CPLX1: variants seen among roughly 807,000 people sequenced by gnomAD.
The protein encoded by CPLX1 is complexin-1.
CPLX1 carries 6 observed loss-of-function variants against 15.6 expected under a neutral mutation model. The observed-to-expected ratio is 0.39, with a 90% CI of 0.21 to 0.76. CPLX1 has a LOEUF of 0.76. Among genes scored for constraint, CPLX1 ranks in the 30% least tolerant of loss-of-function variants. The pLI is 0.43. For synonymous variants in CPLX1, 91 were observed against 75.2 expected, an observed-to-expected ratio of 1.21 and a Z score of -1.08; for missense variants, 242 against 188.6, an observed-to-expected ratio of 1.28 and a Z score of -1.66.
At chr4:800,064 G>C (rs1202287403) in intron 2 of CPLX1, among the ~76,000 whole-genome samples, 1 of 152,060 alleles carries the variant, frequency 6.6e-6, no homozygotes, top group Non-Finnish European at 1.5e-5. Flanking sequence ...CCTCAACGTG[G>C]GGTTTCTGAG....
chr4:786,887 C>A lies in CPLX1; in HGVS notation c.208-189G>T, dbSNP rs948852810. ...GGGGTCCCTGGAGGAATGGGAAGCC[C>A]CCACGGAGAATGGGGGCCAGGAGCT... On this transcript the variant is annotated intron_variant, in intron 3 of 3. Transcript: ENST00000304062. 1.7e-5 allele frequency: 17 copies of A among 983,694 alleles called. No individual in the cohort carries two copies. The African/African-American group carries it at 2.6e-4, about 15-fold the overall frequency. 60.9% of individuals were successfully genotyped at this position (983,694 alleles called of 1,614,324 possible).
intron 2 of CPLX1, among the ~76,000 whole-genome samples, chr4:807,999 G>A (rs1333012116): frequency 6.6e-6 from 1 of 152,128 alleles, no homozygotes; most frequent in African/African-American, 2.4e-5. Context: ...TGGGTGCGGC[G>A]GTCACACCTG....
intron 2 of CPLX1, among the ~76,000 whole-genome samples, chr4:817,322 G>C (rs1746776053): frequency 6.6e-6 from 1 of 151,758 alleles, no homozygotes; most frequent in Non-Finnish European, 1.5e-5. Context: ...GGGAGGCCGG[G>C]GCAGGTGGAT....
intron 2 of CPLX1, among the ~76,000 whole-genome samples, chr4:818,699 G>A (rs1056174686): frequency 4.6e-5 from 7 of 152,270 alleles, no homozygotes; most frequent in African/African-American, 1.7e-4. Context: ...CGGCGGCTGC[G>A]CCATCTGCCG....
rs560418652 is a variant in CPLX1 at position 816,202 on chromosome 4, T to G, written c.31+8290A>C. Among the ~76,000 whole-genome samples the G allele has an allele frequency of 7.6e-4, 115 of 151,180 alleles. 2 individuals carry two copies. Among genetic ancestry groups the G allele is most frequent in the Non-Finnish European group, 3.1e-4 (21 of 67,926 alleles). On this transcript the variant is annotated intron_variant, in intron 2 of 3. Coordinates refer to ENST00000304062, the MANE Select transcript of CPLX1 (RefSeq NM_006651.4). ...AAATTTACAAGTGGATCTGAAGGCA[T>G]TCTCCGTGAAATTTTTTTTTTTTTT...
intron 2 of CPLX1, among the ~76,000 whole-genome samples, chr4:805,085 T>G (rs892598423): frequency 1.3e-5 from 2 of 152,170 alleles, no homozygotes; most frequent in Non-Finnish European, 2.9e-5. Flanking sequence ...ATCTTGGGCG[T>G]GTGGCCATAC....
chr4:795,640 G>A (rs1346819698), intron 2 of CPLX1, among the ~76,000 whole-genome samples: 1 of 152,182 alleles, frequency 6.6e-6, no homozygotes, highest in Non-Finnish European at 1.5e-5. Flanking sequence ...CGTGAGAGGT[G>A]GAGGCGGTGG....
intron 2 of CPLX1, among the ~76,000 whole-genome samples, chr4:794,067 G>A (rs559645733): frequency 6.6e-6 from 1 of 152,354 alleles, no homozygotes; most frequent in South Asian, 2.1e-4. Context: ...CGACGCCCTC[G>A]CCTGTAGCTA....
intron 2 of CPLX1, among the ~76,000 whole-genome samples, chr4:822,145 CCT>C (rs56847359): frequency 0.19 from 29,279 of 151,168 alleles, 2,837 homozygotes; most frequent in East Asian, 0.29. Context: ...ACTGTCTCTC[CCT>C]CTGTTTCTGA....
intron 2 of CPLX1, chr4:804,691 T>C (rs1235160710): frequency 1.0e-6 from 1 of 967,640 alleles, no homozygotes; most frequent in African/African-American, 1.8e-5. Flanking sequence ...AAAATTAAGG[T>C]TCATATGGCA....
At chr4:816,416 C>T (rs926905004) in intron 2 of CPLX1, among the ~76,000 whole-genome samples, 10 of 151,894 alleles carry the variant, frequency 6.6e-5, no homozygotes, top group Admixed American at 2.0e-4. Flanking sequence ...AACAGGGTTT[C>T]ACCATGTTGG....
intron 1 of CPLX1, among the ~76,000 whole-genome samples, chr4:825,626 GA>G (rs1280471025): frequency 6.6e-6 from 1 of 151,904 alleles, no homozygotes; most frequent in Non-Finnish European, 1.5e-5. Flanking sequence ...CGAGGGAGGA[GA>G]GGGGGAGCCT....
intron 2 of CPLX1, among the ~76,000 whole-genome samples, chr4:813,164 G>T (rs1746693129): frequency 6.6e-6 from 1 of 151,630 alleles, no homozygotes; most frequent in Admixed American, 6.6e-5. Flanking sequence ...ACTTGGGAGG[G>T]TGAGGCAGGA....
At chr4:816,651 C>A (rs1746761643) in intron 2 of CPLX1, among the ~76,000 whole-genome samples, 1 of 151,804 alleles carries the variant, frequency 6.6e-6, no homozygotes, top group East Asian at 1.9e-4. Context: ...CATGGTGGGA[C>A]CCTGTCTTAA....
intron 2 of CPLX1, among the ~76,000 whole-genome samples, chr4:803,756 C>T (rs995563844): frequency 6.6e-6 from 1 of 151,892 alleles, no homozygotes; most frequent in Non-Finnish European, 1.5e-5. Flanking sequence ...CTGCAACCTC[C>T]ACTCCTGGGT....
intron 2 of CPLX1, chr4:804,685 T>G (rs1746520644): frequency 1.0e-6 from 1 of 959,696 alleles, no homozygotes; most frequent in African/African-American, 1.8e-5. Context: ...TTGGATAAAA[T>G]TAAGGTTCAT....
chr4:800,798 T>C (rs1454625210), intron 2 of CPLX1, among the ~76,000 whole-genome samples: 2 of 144,314 alleles, frequency 1.4e-5, no homozygotes, highest in East Asian at 2.1e-4. Context: ...TGTATATACA[T>C]ACACACACGT....
chr4:821,125 A>G (rs1309828964), intron 2 of CPLX1, among the ~76,000 whole-genome samples: 1 of 152,214 alleles, frequency 6.6e-6, no homozygotes, highest in African/African-American at 2.4e-5. Context: ...TCCGGGGACA[A>G]GGACAGCTTC....
chr4:798,998 GAT>G (rs140319629), intron 2 of CPLX1, among the ~76,000 whole-genome samples: 1 of 152,150 alleles, frequency 6.6e-6, no homozygotes, highest in South Asian at 2.1e-4. Flanking sequence ...GATATTATGA[GAT>G]ATATATATAT....
Sources: allele counts gnomAD v4.1 joint callset (sites outside exome capture counted in the v4.1 genomes callset), GRCh38; gene constraint gnomAD v4.1.1; transcripts MANE v1.5; gene names NCBI Gene and HGNC (gene_info 2026-07-23, HGNC 2026-07-21).